Variants in ELMO1 observed in about 807,000 individuals in gnomAD.
The protein encoded by ELMO1 is engulfment and cell motility 1.
ELMO1 carries 26 observed loss-of-function variants against 98.9 expected under a neutral mutation model. The observed-to-expected ratio is 0.26, with a 90% CI of 0.19 to 0.36. ELMO1 has a LOEUF of 0.36. Among genes scored for constraint, ELMO1 ranks in the 10% least tolerant of loss-of-function variants. The pLI, the probability that ELMO1 is intolerant of heterozygous loss-of-function variation, is 1.00. For synonymous variants in ELMO1, 346 were observed against 346.0 expected (o/e 1.00, Z 0.00); for missense variants, 627 against 935.2 (o/e 0.67, Z 4.30).
At chr7:37,079,528 C>G (rs1456216986) in intron 15 of ELMO1, among the ~76,000 whole-genome samples, 1 of 152,134 alleles carries the variant, frequency 6.6e-6, no homozygotes, top group Non-Finnish European at 1.5e-5. Flanking sequence ...TGCATCTCTA[C>G]TAATAGTCCC....
At chr7:37,108,788 T>C (rs1032333646) in intron 14 of ELMO1, among the ~76,000 whole-genome samples, 2 of 152,182 alleles carry the variant, frequency 1.3e-5, no homozygotes. Flanking sequence ...AACAAGTGCA[T>C]GGACAGTACG....
chr7:36,910,007 G>A (rs1027156708), intron 16 of ELMO1, among the ~76,000 whole-genome samples: 6 of 152,198 alleles, frequency 3.9e-5, no homozygotes, highest in Admixed American at 1.3e-4. Flanking sequence ...CTTCTTCTGC[G>A]TAAGGCATTG....
intron 13 of ELMO1, among the ~76,000 whole-genome samples, chr7:37,157,270 C>T (rs1441149952): frequency 5.9e-5 from 9 of 152,172 alleles, no homozygotes; most frequent in African/African-American, 2.2e-4. Context: ...AAAGGATGCC[C>T]TCTCTCACCA....
chr7:37,117,871 A>G (rs1785709109), intron 14 of ELMO1, among the ~76,000 whole-genome samples: 1 of 152,212 alleles, frequency 6.6e-6, no homozygotes, highest in Admixed American at 6.5e-5. Context: ...CACATCACCT[A>G]GAAGAAAAAT....
intron 1 of ELMO1, chr7:37,376,143 C>A (rs1321899177): frequency 1.7e-5 from 5 of 301,394 alleles, no homozygotes; most frequent in Non-Finnish European, 3.3e-5. Context: ...AGTGATGAAC[C>A]AATTCAGTTA....
chr7:37,260,202 T>TA (rs1219276933), intron 5 of ELMO1, among the ~76,000 whole-genome samples: 1 of 152,248 alleles, frequency 6.6e-6, no homozygotes, highest in African/African-American at 2.4e-5. Flanking sequence ...TTAATACAGA[T>TA]AACCAAGTTA....
At chr7:37,445,428 A>G (rs1211954557) in intron 1 of ELMO1, among the ~76,000 whole-genome samples, 1 of 152,210 alleles carries the variant, frequency 6.6e-6, no homozygotes, top group Non-Finnish European at 1.5e-5. Flanking sequence ...TGGAAGGGAA[A>G]TGTTACCTCC....
At chr7:37,208,391 T>G (rs1792758719) in intron 13 of ELMO1, among the ~76,000 whole-genome samples, 1 of 152,260 alleles carries the variant, frequency 6.6e-6, no homozygotes, top group Non-Finnish European at 1.5e-5. Context: ...ATGTAATGCT[T>G]GCTGGGCATT....
chr7:37,253,730 A>C (rs1052363555), intron 6 of ELMO1, among the ~76,000 whole-genome samples: 2 of 151,944 alleles, frequency 1.3e-5, no homozygotes, highest in African/African-American at 2.4e-5. Flanking sequence ...TAAAAAAAAA[A>C]AAAAAACAAA....
intron 13 of ELMO1, among the ~76,000 whole-genome samples, chr7:37,165,226 G>C (rs913282621): frequency 5.9e-5 from 9 of 152,184 alleles, no homozygotes; most frequent in Non-Finnish European, 1.3e-4. Flanking sequence ...TCAGCTTAAG[G>C]AGATTTTGGG....
intron 16 of ELMO1, among the ~76,000 whole-genome samples, chr7:36,991,067 G>T (rs1791841297): frequency 6.6e-6 from 1 of 152,312 alleles, no homozygotes; most frequent in East Asian, 1.9e-4. Context: ...TGGCAATGAA[G>T]GTGATGGTAA....
chr7:37,258,201 G>C (rs1022960343), intron 6 of ELMO1, among the ~76,000 whole-genome samples: 9 of 152,086 alleles, frequency 5.9e-5, no homozygotes, highest in African/African-American at 2.2e-4. Context: ...CCAGGAGGCA[G>C]AGCTTGCAGT....
At chr7:37,062,219 T>C (rs1231804295) in intron 15 of ELMO1, among the ~76,000 whole-genome samples, 1 of 152,246 alleles carries the variant, frequency 6.6e-6, no homozygotes, top group Non-Finnish European at 1.5e-5. Flanking sequence ...TGTATATAGA[T>C]ATCTAACCTG....
intron 15 of ELMO1, among the ~76,000 whole-genome samples, chr7:37,068,659 A>T (rs1374347720): frequency 1.3e-5 from 2 of 152,222 alleles, no homozygotes; most frequent in East Asian, 3.8e-4. Context: ...GAGAGTAGAG[A>T]GAACTACAGT....
rs1802069834 is a variant in ELMO1 at position 36,854,670 on chromosome 7, G to A, written c.*881C>T. ...CTTGAGTTGCAGCAGGACCTCCCAG[G>A]AGAAGGTAACACCAAACGCTTGGAT... is the stretch of plus-strand genomic sequence containing the variant. On this transcript the variant is annotated 3_prime_UTR_variant, in exon 22 of 22. Transcript: ENST00000310758. The A allele has an allele frequency of 6.6e-6, 1 of 152,588 alleles. No individual in the cohort carries two copies. 9.5% of individuals were successfully genotyped at this position (152,588 alleles called of 1,614,324 possible). A position where few individuals can be genotyped will look rare whatever the true frequency, so the allele number is the denominator to read the frequency against.
At chr7:37,073,113 G>A (rs564980705) in intron 15 of ELMO1, among the ~76,000 whole-genome samples, 72 of 152,258 alleles carry the variant, frequency 4.7e-4, no homozygotes, top group African/African-American at 1.4e-3. Flanking sequence ...AATCCTTTGC[G>A]TTAATTCTGG....
chr7:37,280,153 C>T (rs927891834), intron 4 of ELMO1, among the ~76,000 whole-genome samples: 2 of 152,014 alleles, frequency 1.3e-5, no homozygotes, highest in Non-Finnish European at 2.9e-5. Context: ...AGCCATATGT[C>T]GGAGAATGAA....
intron 15 of ELMO1, among the ~76,000 whole-genome samples, chr7:37,059,343 G>C (rs1246243814): frequency 6.6e-6 from 1 of 152,150 alleles, no homozygotes; most frequent in African/African-American, 2.4e-5. Context: ...CAAGCTTAGG[G>C]CCAATGTGTC....
At chr7:37,036,169 T>C (rs1795162998) in intron 15 of ELMO1, among the ~76,000 whole-genome samples, 1 of 152,152 alleles carries the variant, frequency 6.6e-6, no homozygotes, top group African/African-American at 2.4e-5. Flanking sequence ...TGGAGTATTT[T>C]CAAATTGTCG....
Sources: gnomAD v4.1 joint callset for allele counts (sites outside exome capture counted in the v4.1 genomes callset) on GRCh38, gnomAD v4.1.1 for gene constraint, MANE v1.5 for transcripts, NCBI Gene and HGNC (gene_info 2026-07-23, HGNC 2026-07-21) for gene names.